The following DCAF8L2 variants were observed in gnomAD, a reference collection of about 807,000 sequenced individuals.
DCAF8L2 encodes the protein DDB1 and CUL4 associated factor 8 like 2, also known as DDB1- and CUL4-associated factor 8-like protein 2.
For missense variants in DCAF8L2, 430 were observed against 490.7 expected, an observed-to-expected ratio of 0.88 and a Z score of 1.17; for synonymous variants, 200 against 190.9, an observed-to-expected ratio of 1.05 and a Z score of -0.39.
rs1016081276 is a variant in DCAF8L2, at chrX:27,600,089, G to A, written c.-342+9649G>A. On this transcript the variant is annotated intron_variant, in intron 1 of 4. Coordinates refer to ENST00000451261, the MANE Select transcript of DCAF8L2 (RefSeq NM_001353450.2). The stretch of plus-strand genomic sequence containing the variant: ...GAAGGATGGTTGTAACCAGAAGGTG[G>A]CACAAGAGAAACTTTTATGGTGCTG... Among the ~76,000 whole-genome samples the A allele has an allele frequency of 8.0e-5, 9 of 111,945 alleles. No individual in the cohort carries two copies. In the East Asian group the frequency reaches 8.4e-4, roughly 10 times the overall value.
the DCAF8L2 span, among the ~76,000 whole-genome samples, chrX:27,567,046 TA>T: frequency 9.0e-6 from 1 of 111,668 alleles, no homozygotes; most frequent in Non-Finnish European, 1.9e-5. Flanking sequence ...TTCCTACTGT[TA>T]ATTTAGTTAA....
chrX:27,733,625 TC>T (rs1921353708), intron 4 of DCAF8L2, among the ~76,000 whole-genome samples: 1 of 111,885 alleles, frequency 8.9e-6, no homozygotes, highest in African/African-American at 3.2e-5. Context: ...CAAGGAGTTT[TC>T]CCCCATGTAT....
At chrX:27,708,736 G>A (rs748379062) in intron 3 of DCAF8L2, among the ~76,000 whole-genome samples, 15 of 111,947 alleles carry the variant, frequency 1.3e-4, no homozygotes, top group African/African-American at 4.9e-4. Flanking sequence ...GATCTATTGA[G>A]GACCAGTATC....
intron 1 of DCAF8L2, among the ~76,000 whole-genome samples, chrX:27,611,883 GA>G (rs1927200167): frequency 9.0e-6 from 1 of 111,231 alleles, no homozygotes; most frequent in African/African-American, 3.3e-5. Context: ...TTGCTATTGT[GA>G]ATAGTGCTGC....
the DCAF8L2 span, among the ~76,000 whole-genome samples, chrX:27,569,825 T>C: frequency 9.0e-6 from 1 of 111,702 alleles, no homozygotes; most frequent in Non-Finnish European, 1.9e-5. Context: ...TCAGTATCTG[T>C]GTGATCTTAA....
intron 1 of DCAF8L2, among the ~76,000 whole-genome samples, chrX:27,612,800 G>T (rs1319325759): frequency 9.0e-6 from 1 of 111,423 alleles, no homozygotes; most frequent in Non-Finnish European, 1.9e-5. Context: ...GTGTTCCATT[G>T]GTCTATATCT....
chrX:27,477,425 C>T, the DCAF8L2 span, among the ~76,000 whole-genome samples: 35 of 110,712 alleles, frequency 3.2e-4, no homozygotes, highest in Middle Eastern at 4.3e-3. Flanking sequence ...GTAGCTGGGA[C>T]TACAGGCGCC....
the DCAF8L2 span, among the ~76,000 whole-genome samples, chrX:27,555,041 T>C: frequency 5.4e-5 from 6 of 111,634 alleles, no homozygotes; most frequent in South Asian, 1.9e-3. Flanking sequence ...TGTGGATGCA[T>C]ACAGGCTGAA....
chrX:27,485,924 C>CTTTTTT, the DCAF8L2 span, among the ~76,000 whole-genome samples: 120 of 58,691 alleles, frequency 2.0e-3, no homozygotes, highest in Admixed American at 6.0e-3. Context: ...TTCTTTTTCT[C>CTTTTTT]TTTTTTTTTT....
intron 3 of DCAF8L2, among the ~76,000 whole-genome samples, chrX:27,703,537 T>C (rs909968567): frequency 3.6e-5 from 4 of 111,639 alleles, no homozygotes; most frequent in African/African-American, 1.3e-4. Context: ...TTATGGTCAA[T>C]TTATTTTTGG....
At chrX:27,746,065 T>G (rs1162675730) in intron 4 of DCAF8L2, among the ~76,000 whole-genome samples, 1 of 112,090 alleles carries the variant, frequency 8.9e-6, no homozygotes, top group Non-Finnish European at 1.9e-5. Flanking sequence ...CAGTGTCCAC[T>G]TTCAATTGAT....
At chrX:27,594,168 A>C (rs1015281978) in intron 1 of DCAF8L2, among the ~76,000 whole-genome samples, 1 of 111,760 alleles carries the variant, frequency 8.9e-6, no homozygotes, top group Non-Finnish European at 1.9e-5. Context: ...TTAATGTATA[A>C]GTACACATCT....
chrX:27,636,947 A>T (rs751008708), intron 2 of DCAF8L2, among the ~76,000 whole-genome samples: 2 of 111,774 alleles, frequency 1.8e-5, no homozygotes, highest in East Asian at 5.7e-4. Context: ...ATTGATTTCC[A>T]TGCTCTGGCC....
intron 2 of DCAF8L2, among the ~76,000 whole-genome samples, chrX:27,672,746 T>C (rs1929992566): frequency 8.9e-6 from 1 of 112,403 alleles, no homozygotes; most frequent in South Asian, 3.6e-4. Context: ...GGCGAAACTT[T>C]ATATTTGATA....
intron 1 of DCAF8L2, among the ~76,000 whole-genome samples, chrX:27,604,983 G>T (rs1926807864): frequency 8.9e-6 from 1 of 111,809 alleles, no homozygotes; most frequent in South Asian, 3.7e-4. Context: ...TATTTCTAGG[G>T]TATTTTATTT....
At chrX:27,497,257 T>G in the DCAF8L2 span, among the ~76,000 whole-genome samples, 2 of 112,106 alleles carry the variant, frequency 1.8e-5, no homozygotes, top group Non-Finnish European at 3.8e-5. Context: ...CAATGTTGGT[T>G]TCCTAAGATC....
At chrX:27,519,724 C>T in the DCAF8L2 span, 4 of 568,573 alleles carry the variant, frequency 7.0e-6, no homozygotes, top group Non-Finnish European at 1.3e-5. Flanking sequence ...GAAGCAACTT[C>T]AGGCATTAAG....
chrX:27,477,159 A>C, the DCAF8L2 span, among the ~76,000 whole-genome samples: 1 of 112,602 alleles, frequency 8.9e-6, no homozygotes, highest in Non-Finnish European at 1.9e-5. Context: ...TGCTTTCATT[A>C]AGTAGAATTA....
the DCAF8L2 span, among the ~76,000 whole-genome samples, chrX:27,478,967 T>C: frequency 8.9e-6 from 1 of 111,735 alleles, no homozygotes; most frequent in African/African-American, 3.2e-5. Flanking sequence ...TATTTGTGTA[T>C]GGGCTTAACC....
Sources: allele counts gnomAD v4.1 joint callset (sites outside exome capture counted in the v4.1 genomes callset), GRCh38; gene constraint gnomAD v4.1.1; transcripts MANE v1.5; gene names NCBI Gene and HGNC (gene_info 2026-07-23, HGNC 2026-07-21).